FER1L6: variants seen among roughly 807,000 people sequenced by gnomAD.
FER1L6 encodes fer-1-like protein 6.
FER1L6 carries 177 observed loss-of-function variants against 219.2 expected under a neutral mutation model. The observed-to-expected ratio is 0.81, with a 90% CI of 0.71 to 0.91. The LOEUF (loss-of-function observed/expected upper bound fraction) is 0.91. FER1L6 is among the 40% of genes least tolerant of loss of function. FER1L6 has a pLI of 0.00. For synonymous variants in FER1L6, 768 were observed against 824.3 expected (o/e 0.93, Z 1.17); for missense variants, 2,153 against 2,259.9 (o/e 0.95, Z 0.96).
At chr8:123,856,166 G>A (rs1321206844) in intron 1 of FER1L6, among the ~76,000 whole-genome samples, 2 of 74,154 alleles carry the variant, frequency 2.7e-5, no homozygotes, top group Non-Finnish European at 2.6e-5. Flanking sequence ...ATACATATGT[G>A]TATGAGATAT....
intron 13 of FER1L6, among the ~76,000 whole-genome samples, chr8:124,004,683 C>T (rs1021157731): frequency 2.0e-5 from 3 of 152,070 alleles, no homozygotes; most frequent in Non-Finnish European, 4.4e-5. Flanking sequence ...ATTCTGAGTC[C>T]TCCAAGCCAC....
At chr8:124,074,436 T>C (rs1455127210) in intron 31 of FER1L6, among the ~76,000 whole-genome samples, 1 of 152,116 alleles carries the variant, frequency 6.6e-6, no homozygotes, top group Non-Finnish European at 1.5e-5. Context: ...GGTGGGCAGA[T>C]TGCTTGAGCT....
intron 2 of FER1L6, among the ~76,000 whole-genome samples, chr8:123,961,880 CTTTTTT>C (rs1295109025): frequency 3.1e-5 from 4 of 129,172 alleles, no homozygotes; most frequent in African/African-American, 8.5e-5. Flanking sequence ...TGTTTGTTTT[CTTTTTT>C]TTTTTTTTTT....
At chr8:123,955,126 G>A (rs188107056) in intron 1 of FER1L6, among the ~76,000 whole-genome samples, 44 of 152,202 alleles carry the variant, frequency 2.9e-4, no homozygotes, top group Admixed American at 8.5e-4. Flanking sequence ...GGAGGCTTAC[G>A]GGCATGGTGG....
At chr8:123,871,468 C>T (rs1051464040) in intron 1 of FER1L6, among the ~76,000 whole-genome samples, 12 of 152,074 alleles carry the variant, frequency 7.9e-5, no homozygotes, top group Admixed American at 6.6e-4. Context: ...CTGCCCACTC[C>T]CCTCCCCCAC....
At chr8:124,007,334 A>G (rs1438552668) in intron 13 of FER1L6, among the ~76,000 whole-genome samples, 1 of 150,070 alleles carries the variant, frequency 6.7e-6, no homozygotes, top group Non-Finnish European at 1.5e-5. Context: ...TTCTTCCTCC[A>G]TATGCCATCC....
At chr8:123,871,384 A>C (rs977444630) in intron 1 of FER1L6, among the ~76,000 whole-genome samples, 1 of 152,128 alleles carries the variant, frequency 6.6e-6, no homozygotes, top group African/African-American at 2.4e-5. Flanking sequence ...GGTTGATTCT[A>C]GGACTGGTGC....
chr8:123,935,135 T>C (rs1300322222), intron 1 of FER1L6, among the ~76,000 whole-genome samples: 2 of 152,242 alleles, frequency 1.3e-5, no homozygotes, highest in African/African-American at 4.8e-5. Flanking sequence ...ACTTAAGTTT[T>C]TTTCTTTTAT....
chr8:124,000,704 T>A (rs1446991991), intron 12 of FER1L6, among the ~76,000 whole-genome samples: 2 of 152,210 alleles, frequency 1.3e-5, no homozygotes, highest in Non-Finnish European at 2.9e-5. Flanking sequence ...CTTGGGCTAT[T>A]ATGCAACTGG....
At chr8:123,871,441 C>T (rs1211694408) in intron 1 of FER1L6, among the ~76,000 whole-genome samples, 3 of 151,982 alleles carry the variant, frequency 2.0e-5, no homozygotes, top group Non-Finnish European at 4.4e-5. Context: ...AAAAAGGAAG[C>T]GCTAAACACC....
chr8:124,065,267 G>A (rs1314809176), intron 26 of FER1L6, among the ~76,000 whole-genome samples: 1 of 151,784 alleles, frequency 6.6e-6, no homozygotes, highest in Non-Finnish European at 1.5e-5. Flanking sequence ...CAGGTGTGGT[G>A]GCACTCACCT....
At chr8:123,912,069 A>T (rs1006211700) in intron 1 of FER1L6, among the ~76,000 whole-genome samples, 1 of 152,120 alleles carries the variant, frequency 6.6e-6, no homozygotes, top group African/African-American at 2.4e-5. Flanking sequence ...CTTGTTTAGC[A>T]ACTTCTGGCA....
intron 14 of FER1L6, among the ~76,000 whole-genome samples, chr8:124,011,309 G>A (rs941140373): frequency 6.6e-6 from 1 of 152,126 alleles, no homozygotes; most frequent in East Asian, 1.9e-4. Context: ...CCTCAGGGAA[G>A]AGTCTGACAC....
At position 123,868,068 on chromosome 8, in the gene FER1L6, C is replaced by T. The variant is rs111568501; in HGVS notation, c.-8+15883C>T. Among the ~76,000 whole-genome samples the T allele has an allele frequency of 7.2e-5, 11 of 152,212 alleles. 1 individual carries two copies. The highest frequency in any genetic ancestry group is 2.6e-4 in the African/African-American group (11 of 41,534). On this transcript the variant is annotated intron_variant, in intron 1 of 40. Transcript: ENST00000522917. ...TTTTGTGTCTCTGGCTTTTTTCCCT[C>T]GACATTGTATTTGTGAGATTTCTCC...
chr8:124,100,703 C>A (rs184605887), intron 37 of FER1L6, among the ~76,000 whole-genome samples: 1 of 152,262 alleles, frequency 6.6e-6, no homozygotes, highest in Admixed American at 6.5e-5. Context: ...ATTTCAGAGT[C>A]CTCAGTGTAG....
At chr8:123,962,367 G>C (rs1453108786) in intron 2 of FER1L6, among the ~76,000 whole-genome samples, 1 of 152,062 alleles carries the variant, frequency 6.6e-6, no homozygotes, top group African/African-American at 2.4e-5. Flanking sequence ...AGCTGCTAGA[G>C]AAAAAGAAAA....
intron 12 of FER1L6, among the ~76,000 whole-genome samples, chr8:123,992,776 T>G (rs1267347841): frequency 6.6e-6 from 1 of 152,222 alleles, no homozygotes; most frequent in Non-Finnish European, 1.5e-5. Context: ...CCTATTTTTC[T>G]ACTTCCTTGA....
chr8:123,906,942 CTGTGGACA>C (rs1469336943), intron 1 of FER1L6, among the ~76,000 whole-genome samples: 1 of 152,130 alleles, frequency 6.6e-6, no homozygotes, highest in African/African-American at 2.4e-5. Flanking sequence ...ATTCTGTAAC[CTGTGGACA>C]AAGTCAGGGC....
At chr8:124,075,103 A>G (rs1821223048) in intron 31 of FER1L6, among the ~76,000 whole-genome samples, 1 of 152,172 alleles carries the variant, frequency 6.6e-6, no homozygotes, top group South Asian at 2.1e-4. Context: ...GGCTACACTA[A>G]ATTTATAACA....
Sources: allele counts gnomAD v4.1 joint callset (sites outside exome capture counted in the v4.1 genomes callset), GRCh38; gene constraint gnomAD v4.1.1; transcripts MANE v1.5; gene names NCBI Gene and HGNC (gene_info 2026-07-23, HGNC 2026-07-21).